The following CTNNA3 variants were observed in gnomAD, a reference collection of about 807,000 sequenced individuals.
CTNNA3 encodes catenin alpha-3.
CTNNA3 carries 76 observed loss-of-function variants against 95.7 expected under a neutral mutation model. The observed-to-expected ratio is 0.79, with a 90% CI of 0.66 to 0.96. The LOEUF (loss-of-function observed/expected upper bound fraction) is 0.96, where lower values mean the gene tolerates loss of function less well. Among genes scored for constraint, CTNNA3 ranks in the 40% least tolerant of loss-of-function variants. The pLI is 0.00. For synonymous variants in CTNNA3, 431 were observed against 374.4 expected, an observed-to-expected ratio of 1.15 and a Z score of -1.74; for missense variants, 1,191 against 1,089.8, an observed-to-expected ratio of 1.09 and a Z score of -1.31.
intron 2 of CTNNA3, among the ~76,000 whole-genome samples, chr10:67,645,283 C>T (rs920394869): frequency 6.6e-6 from 1 of 152,020 alleles, no homozygotes; most frequent in Non-Finnish European, 1.5e-5. Flanking sequence ...TAGCAATGTA[C>T]TTGACTAAAG....
intron 7 of CTNNA3, among the ~76,000 whole-genome samples, chr10:66,974,505 C>T (rs1388739286): frequency 6.6e-6 from 1 of 152,118 alleles, no homozygotes; most frequent in East Asian, 1.9e-4. Flanking sequence ...GTTTTTATTT[C>T]TCCTGGGTAA....
chr10:66,309,035 CAA>C (rs1736613505), intron 12 of CTNNA3, among the ~76,000 whole-genome samples: 2 of 152,112 alleles, frequency 1.3e-5, no homozygotes, highest in African/African-American at 4.8e-5. Context: ...TCAACTAATT[CAA>C]AAAGAGTTCT....
In CTNNA3 at chr10:66,207,177, T is replaced by C. The variant is rs956525769; in HGVS notation, c.1884+73293A>G. ...ATATCATTTATTTAATATATAGATA[T>C]ATATCTAATGATCTATCTAATGATA... On this transcript the variant is annotated intron_variant, in intron 13 of 17. Transcript: ENST00000433211. Among the ~76,000 whole-genome samples, 6 of 130,972 alleles carry C rather than the reference T, an allele frequency of 4.6e-5. No individual in the cohort carries two copies. In the East Asian group the frequency reaches 9.6e-4, roughly 21 times the overall value. 85.9% of individuals were successfully genotyped at this position (130,972 alleles called of 152,430 possible). A position where few individuals can be genotyped will look rare whatever the true frequency, so the allele number is the denominator to read the frequency against.
chr10:67,532,058 T>C (rs950137338), intron 4 of CTNNA3, among the ~76,000 whole-genome samples: 1 of 152,180 alleles, frequency 6.6e-6, no homozygotes, highest in African/African-American at 2.4e-5. Flanking sequence ...CATGTGGAAC[T>C]GTAAGTCCAT....
At chr10:67,339,480 T>A (rs1842104431) in intron 5 of CTNNA3, among the ~76,000 whole-genome samples, 1 of 152,162 alleles carries the variant, frequency 6.6e-6, no homozygotes, top group African/African-American at 2.4e-5. Flanking sequence ...AAGCCTACAA[T>A]GTTTAGTTGT....
chr10:67,709,431 G>A (rs1321240778), intron 1 of CTNNA3, among the ~76,000 whole-genome samples: 1 of 152,130 alleles, frequency 6.6e-6, no homozygotes, highest in African/African-American at 2.4e-5. Flanking sequence ...CATTATAGAG[G>A]ACAGTTCCAC....
At chr10:67,648,590 A>G in intron 1 of CTNNA3, 1 of 590,784 alleles carries the variant, frequency 1.7e-6, no homozygotes, top group Non-Finnish European at 2.5e-6. Flanking sequence ...TTTTTGAAAG[A>G]TTTTGCCTTG....
chr10:66,221,907 A>G (rs1041825090), intron 13 of CTNNA3, among the ~76,000 whole-genome samples: 6 of 152,142 alleles, frequency 3.9e-5, no homozygotes, highest in Non-Finnish European at 8.8e-5. Flanking sequence ...CTTGGAAGTA[A>G]TTGAGTTGCA....
At chr10:67,640,963 A>C (rs909469204) in intron 2 of CTNNA3, among the ~76,000 whole-genome samples, 1 of 152,190 alleles carries the variant, frequency 6.6e-6, no homozygotes, top group Non-Finnish European at 1.5e-5. Flanking sequence ...TTCATGTCTA[A>C]AACACCAAAA....
chr10:67,644,559 C>G (rs1201129200), intron 2 of CTNNA3, among the ~76,000 whole-genome samples: 1 of 151,576 alleles, frequency 6.6e-6, no homozygotes, highest in East Asian at 1.9e-4. Flanking sequence ...TATACATGAT[C>G]AAAGTGACAG....
intron 9 of CTNNA3, among the ~76,000 whole-genome samples, chr10:66,720,723 A>C (rs1248323252): frequency 1.3e-5 from 2 of 152,120 alleles, no homozygotes; most frequent in African/African-American, 2.4e-5. Flanking sequence ...AATCTGAGCT[A>C]CTTGGGAGGC....
intron 9 of CTNNA3, among the ~76,000 whole-genome samples, chr10:66,728,258 GA>G (rs1848839968): frequency 6.6e-6 from 1 of 152,166 alleles, no homozygotes; most frequent in Non-Finnish European, 1.5e-5. Flanking sequence ...AATAATGTGT[GA>G]CACTGATACC....
rs529929349 is a variant in CTNNA3 at position 67,610,046 on chromosome 10, C to T, written c.100-2997G>A. 3.4e-3 allele frequency among the ~76,000 whole-genome samples: 517 copies of T among 152,258 alleles called. 3 individuals carry two copies. The highest frequency in any genetic ancestry group is 0.012 in the African/African-American group (486 of 41,550). ...TGAAAGGTATTTGTCCAGATTAAGA[C>T]AAATTATAACTACCAGTTTAAAATC... On this transcript the variant is annotated intron_variant, in intron 2 of 17. Transcript: ENST00000433211.
chr10:67,454,508 CA>C (rs1466511480), intron 5 of CTNNA3, among the ~76,000 whole-genome samples: 1 of 152,100 alleles, frequency 6.6e-6, no homozygotes, highest in Non-Finnish European at 1.5e-5. Context: ...TGCTGATTTA[CA>C]GTGAAATTTC....
intron 6 of CTNNA3, among the ~76,000 whole-genome samples, chr10:67,205,144 T>C (rs1863836085): frequency 1.3e-5 from 2 of 152,192 alleles, no homozygotes. Context: ...ACATTTAAAC[T>C]ATAAACTAAA....
intron 7 of CTNNA3, among the ~76,000 whole-genome samples, chr10:67,059,410 A>C (rs1344730604): frequency 6.6e-6 from 1 of 152,178 alleles, no homozygotes; most frequent in Non-Finnish European, 1.5e-5. Flanking sequence ...GAAAACAATT[A>C]ATTGCAAAAA....
At chr10:67,121,229 T>G (rs1195686022) in intron 7 of CTNNA3, among the ~76,000 whole-genome samples, 2 of 152,098 alleles carry the variant, frequency 1.3e-5, no homozygotes, top group African/African-American at 4.8e-5. Context: ...AATCGATGGA[T>G]GAAATTTTGG....
At chr10:66,625,011 T>G (rs1054014893) in intron 9 of CTNNA3, among the ~76,000 whole-genome samples, 4 of 133,970 alleles carry the variant, frequency 3.0e-5, no homozygotes, top group African/African-American at 1.1e-4. Flanking sequence ...ATTTACACAT[T>G]TATTGAAAAG....
At chr10:66,115,407 A>G (rs1338180365) in intron 13 of CTNNA3, among the ~76,000 whole-genome samples, 2 of 152,056 alleles carry the variant, frequency 1.3e-5, no homozygotes, top group East Asian at 3.9e-4. Flanking sequence ...TATTTTAGGT[A>G]TTACATTTTC....
Sources: gnomAD v4.1 joint callset for allele counts (sites outside exome capture counted in the v4.1 genomes callset) on GRCh38, gnomAD v4.1.1 for gene constraint, MANE v1.5 for transcripts, NCBI Gene and HGNC (gene_info 2026-07-23, HGNC 2026-07-21) for gene names.